Variants in SEMA4B observed in about 807,000 individuals in gnomAD.
The protein encoded by SEMA4B is semaphorin-4B.
SEMA4B carries 55 observed loss-of-function variants against 88.1 expected under a neutral mutation model. The observed-to-expected ratio is 0.62, with a 90% confidence interval of 0.50 to 0.78. The LOEUF (loss-of-function observed/expected upper bound fraction) is 0.78. Among genes scored for constraint, SEMA4B ranks in the 30% least tolerant of loss-of-function variants. The pLI, the probability that SEMA4B is intolerant of heterozygous loss-of-function variation, is 0.00. For synonymous variants in SEMA4B, 525 were observed against 473.6 expected, an observed-to-expected ratio of 1.11 and a Z score of -1.41; for missense variants, 1,062 against 1,111.9, an observed-to-expected ratio of 0.96 and a Z score of 0.64.
At chr15:90,208,139 A>G (rs1470698010) in intron 1 of SEMA4B, among the ~76,000 whole-genome samples, 1 of 152,070 alleles carries the variant, frequency 6.6e-6, no homozygotes, top group Non-Finnish European at 1.5e-5. Flanking sequence ...CTGTAATCCC[A>G]GCTACTCAGG....
At chr15:90,214,788 G>A (rs1394044901) in intron 1 of SEMA4B, 1 of 267,802 alleles carries the variant, frequency 3.7e-6, no homozygotes, top group Non-Finnish European at 7.7e-6. Flanking sequence ...TACCAGCTGT[G>A]CGAAGACTCA....
upstream of SEMA4B, among the ~76,000 whole-genome samples, chr15:90,197,342 A>G (rs1960542391): frequency 6.6e-6 from 1 of 152,024 alleles, no homozygotes. Context: ...GTGAGCTGAG[A>G]TCTTGCCACT....
At chr15:90,202,202 C>T (rs992077043) in intron 1 of SEMA4B, among the ~76,000 whole-genome samples, 1 of 152,278 alleles carries the variant, frequency 6.6e-6, no homozygotes, top group African/African-American at 2.4e-5. Flanking sequence ...CCCGATCCTC[C>T]CTCTCCGCCC....
intron 1 of SEMA4B, among the ~76,000 whole-genome samples, chr15:90,216,293 ATACT>A: frequency 6.6e-6 from 1 of 152,124 alleles, no homozygotes; most frequent in East Asian, 1.9e-4. Context: ...TTTAAGTAAA[ATACT>A]TACACCACTA....
chr15:90,196,495 TAC>T (rs1352475750), upstream of SEMA4B, among the ~76,000 whole-genome samples: 1 of 144,726 alleles, frequency 6.9e-6, no homozygotes, highest in Non-Finnish European at 1.5e-5. Flanking sequence ...CCATTTCTTC[TAC>T]TTTTTTTTTG....
Position 90,201,500 on chromosome 15 carries a change from C to T in SEMA4B, c.-79C>T. 3 of 1,314,972 alleles carry T rather than the reference C, an allele frequency of 2.3e-6. No homozygotes were observed. Among genetic ancestry groups the T allele is most frequent in the South Asian group, 2.1e-5 (1 of 48,502 alleles). The allele number at this position is 1,314,972 out of a possible 1,614,324, so 81.5% of individuals were successfully genotyped here. A position where few individuals can be genotyped will look rare whatever the true frequency, so the allele number is the denominator to read the frequency against. ...CCCGGGGCGACTCGGGGGCGGACCG[C>T]GGGGCGGAGCTGCCGCCCGTGAGTC... On this transcript the variant is annotated 5_prime_UTR_variant, in exon 1 of 14. Coordinates refer to ENST00000411539, the MANE Select transcript of SEMA4B (RefSeq NM_198925.4).
At chr15:90,198,689 G>A (rs1370933645), upstream of SEMA4B, among the ~76,000 whole-genome samples, 4 of 152,138 alleles carry the variant, frequency 2.6e-5, no homozygotes, top group African/African-American at 4.8e-5. Flanking sequence ...GCTGGTTCGG[G>A]CTACTATATA....
upstream of SEMA4B, chr15:90,201,275 G>A (rs1960701218): frequency 2.8e-6 from 3 of 1,089,608 alleles, no homozygotes; most frequent in Non-Finnish European, 2.2e-6. Context: ...AAGGGGGAAG[G>A]GGGCGGGCCG....
At chr15:90,208,330 G>A (rs1961093439) in intron 1 of SEMA4B, among the ~76,000 whole-genome samples, 1 of 152,156 alleles carries the variant, frequency 6.6e-6, no homozygotes, top group South Asian at 2.1e-4. Context: ...TAAAAATCTA[G>A]GTTTCCAGCT....
chr15:90,188,911 C>T (rs974302925), intron 1 of SEMA4B, among the ~76,000 whole-genome samples: 3 of 152,012 alleles, frequency 2.0e-5, no homozygotes, highest in Admixed American at 6.6e-5. Context: ...CCTCGTGATC[C>T]GCCCGCCTCA....
upstream of SEMA4B, among the ~76,000 whole-genome samples, chr15:90,199,826 A>G (rs574213715): frequency 1.3e-3 from 183 of 144,934 alleles, no homozygotes; most frequent in African/African-American, 4.5e-3. Context: ...ACTCTGTCTC[A>G]AAAAAAAAAA....
At chr15:90,225,883 G>A in intron 12 of SEMA4B, 56 bp downstream of exon 12, 2 of 1,394,766 alleles carry the variant, frequency 1.4e-6, no homozygotes, top group Non-Finnish European at 1.9e-6. Flanking sequence ...GGTGACCTCG[G>A]AGCACCATCC....
intron 1 of SEMA4B, among the ~76,000 whole-genome samples, chr15:90,207,373 A>G (rs1961046562): frequency 6.6e-6 from 1 of 152,130 alleles, no homozygotes; most frequent in African/African-American, 2.4e-5. Flanking sequence ...GAGGAGCCAA[A>G]TTAGCCAACT....
At chr15:90,193,725 A>G (rs1960414172) in intron 1 of SEMA4B, among the ~76,000 whole-genome samples, 2 of 152,116 alleles carry the variant, frequency 1.3e-5, no homozygotes, top group African/African-American at 2.4e-5. Context: ...ATAGTGATTG[A>G]GCATGTGGCC....
chr15:90,194,072 G>C (rs912522467), intron 1 of SEMA4B, among the ~76,000 whole-genome samples: 1 of 151,806 alleles, frequency 6.6e-6, no homozygotes, highest in Non-Finnish European at 1.5e-5. Flanking sequence ...GGCTGGTTTC[G>C]AACTCCTGAC....
intron 1 of SEMA4B, chr15:90,191,909 C>T (rs975829273): frequency 1.3e-5 from 2 of 152,280 alleles, no homozygotes; most frequent in Non-Finnish European, 2.9e-5. Context: ...GGTGTGCCAG[C>T]TGGTGTCGCT....
rs750689779 is a variant in SEMA4B, at chr15:90,228,047, A to G, written c.1918A>G (p.Thr640Ala). 1 of 1,613,750 alleles carries G rather than the reference A, an allele frequency of 6.2e-7. No individual in the cohort carries two copies. The highest frequency in any genetic ancestry group is 8.5e-7 in the Non-Finnish European group (1 of 1,179,792). ...NASASCHVLP[T>A]GDLLLVGTQQ... Reference sequence around the variant, plus strand: ...CTCGGCCTCCTGCCACGTGCTACCCACTGGGGACCTGCTGCTGGTGGGCAC... The same window carrying G: ...CTCGGCCTCCTGCCACGTGCTACCCGCTGGGGACCTGCTGCTGGTGGGCAC... The change falls in exon 14 of 14, where the codon ACT (threonine) becomes GCT (alanine). Residue 640 changes from threonine to alanine, a missense_variant. Transcript: ENST00000411539.
intron 1 of SEMA4B, among the ~76,000 whole-genome samples, chr15:90,189,448 CAAT>C (rs1960281286): frequency 6.6e-6 from 1 of 152,090 alleles, no homozygotes. Flanking sequence ...TCTGAAATGG[CAAT>C]AATAACTGAT....
chr15:90,229,042 G>A lies in SEMA4B; in HGVS notation c.*399G>A, dbSNP rs1962362287. 3 of 361,400 alleles carry A rather than the reference G, an allele frequency of 8.3e-6. No individual in the cohort carries two copies. The highest frequency in any genetic ancestry group is 3.8e-4 in the Middle Eastern group (1 of 2,656). 22.4% of individuals were successfully genotyped at this position (361,400 alleles called of 1,614,324 possible). ...TGCTGGGGATGCATCCAAAGTGGTTGTCTGAGACAGAGTTGGAAACCCTCA... is the reference window on the plus strand; with the variant it reads ...TGCTGGGGATGCATCCAAAGTGGTTATCTGAGACAGAGTTGGAAACCCTCA... On this transcript the variant is annotated 3_prime_UTR_variant, in exon 14 of 14. Coordinates refer to ENST00000411539, the MANE Select transcript of SEMA4B (RefSeq NM_198925.4).
Sources: gnomAD v4.1 joint callset for allele counts (sites outside exome capture counted in the v4.1 genomes callset) on GRCh38, gnomAD v4.1.1 for gene constraint, MANE v1.5 for transcripts, NCBI Gene and HGNC (gene_info 2026-07-23, HGNC 2026-07-21) for gene names.